The following EIF4G2 variants were observed in gnomAD, a reference collection of about 807,000 sequenced individuals.
The protein encoded by EIF4G2 is eukaryotic translation initiation factor 4 gamma 2.
Under a neutral mutation model 117.7 loss-of-function variants are expected in EIF4G2, and 8 were observed. That is an observed-to-expected ratio of 0.07 (90% CI 0.04 to 0.12). EIF4G2 has a LOEUF of 0.12. EIF4G2 is among the 10% of genes least tolerant of loss of function. The probability of loss-of-function intolerance (pLI) is 1.00; values close to 1 mark genes in which losing one functional copy is unlikely to be tolerated. For synonymous variants in EIF4G2, 413 were observed against 367.8 expected, an observed-to-expected ratio of 1.12 and a Z score of -1.41; for missense variants, 812 against 1,086.2, an observed-to-expected ratio of 0.75 and a Z score of 3.55.
chr11:10,801,490 C>T (rs772584774), intron 14 of EIF4G2, 171 bp downstream of exon 14: 27 of 779,520 alleles, frequency 3.5e-5, no homozygotes, highest in African/African-American at 5.1e-5. Flanking sequence ...TCATAATCTT[C>T]GCTCACAGGA....
rs752448526 is a variant in EIF4G2 at position 10,803,443 on chromosome 11, A to T, written c.813+37T>A. 1.9e-6 allele frequency: 3 copies of T among 1,593,880 alleles called. No individual in the cohort carries two copies. The highest frequency in any genetic ancestry group is 2.6e-6 in the Non-Finnish European group (3 of 1,162,662). On this transcript the variant is annotated intron_variant, in intron 9 of 21. Transcript: ENST00000339995. The surrounding 1 kb of genome is among the most constrained non-coding windows in gnomAD (Gnocchi z 4.0). The stretch of plus-strand genomic sequence containing the variant: ...AAAATCAATAGCTTGATTTAAAGAC[A>T]AACTACTTGTACTACTTTCATCAGC...
At chr11:10,807,923 C>T in intron 1 of EIF4G2, 2 of 1,015,404 alleles carry the variant, frequency 2.0e-6, no homozygotes, top group Non-Finnish European at 2.4e-6. Flanking sequence ...CAGCAGGAAC[C>T]TCCGCCCCGT....
intron 21 of EIF4G2, 70 bp downstream of exon 21, chr11:10,798,922 A>C: frequency 2.6e-6 from 4 of 1,539,688 alleles, no homozygotes; most frequent in Non-Finnish European, 3.5e-6. Flanking sequence ...CAGTTGAAAA[A>C]GGCTCTTAAC....
rs543325509 is a variant in EIF4G2 at position 10,807,416 on chromosome 11, C to T, written c.-86-35G>A. 7 of 1,569,098 alleles carry T rather than the reference C, an allele frequency of 4.5e-6. No homozygotes were observed. In the South Asian group the frequency reaches 7.1e-5, roughly 16 times the overall value. On this transcript the variant is annotated intron_variant, in intron 1 of 21. Coordinates refer to ENST00000339995, the MANE Select transcript of EIF4G2 (RefSeq NM_001418.4). ...GAAAGAGCACCAAAATTAGACACTGCTAACATACAGATCTATAAGCCTTCA... is the reference window on the plus strand; with the variant it reads ...GAAAGAGCACCAAAATTAGACACTGTTAACATACAGATCTATAAGCCTTCA...
At chr11:10,802,926 A>G (rs1847469371) in intron 11 of EIF4G2, 104 bp downstream of exon 11, 7 of 941,014 alleles carry the variant, frequency 7.4e-6, no homozygotes, top group Non-Finnish European at 1.1e-5. Context: ...TCCACCACTA[A>G]GATGAGACAG....
In EIF4G2 at chr11:10,802,410, G is replaced by A; in HGVS notation, c.1022C>T (p.Pro341Leu). ...GTCACTTCTCATCCCTTGAGCCATA[G>A]GAGCAGGAATAAACACCCCTAGATC... Residue 341 changes from proline (P) to leucine (L), a missense_variant, in exon 12 of 22, where the codon CCT becomes CTT. Pro to Leu is a moderately conservative substitution (Grantham distance 98). Coordinates refer to ENST00000339995, the MANE Select transcript of EIF4G2 (RefSeq NM_001418.4). 1 of 1,609,918 alleles carries A rather than the reference G, an allele frequency of 6.2e-7. No homozygotes were observed. The highest frequency in any genetic ancestry group is 1.1e-5 in the South Asian group (1 of 90,288).
chr11:10,800,563 A>G lies in EIF4G2; in HGVS notation c.1729T>C (p.Phe577Leu). The G allele has an allele frequency of 6.2e-7, 1 of 1,614,148 alleles. No homozygotes were observed. Among genetic ancestry groups the G allele is most frequent in the Non-Finnish European group, 8.5e-7 (1 of 1,180,022 alleles). ...ACTTTGCTTAACATCTCAGGAAGAA[A>G]GTGTTTAGGAGCCCTCATTTCTCTT... is the stretch of plus-strand genomic sequence containing the variant. Residue 577 changes from phenylalanine (F) to leucine (L), a missense_variant, in exon 17 of 22, where the codon TTT becomes CTT. Transcript: ENST00000339995.
chr11:10,804,538 C>T, intron 5 of EIF4G2, 120 bp from the exon 6 acceptor site: 1 of 1,266,600 alleles, frequency 7.9e-7, no homozygotes, highest in Non-Finnish European at 1.1e-6. Context: ...TCCAGTTATA[C>T]AGATTTCATC....
intron 1 of EIF4G2, chr11:10,808,206 G>C (rs951599633): frequency 8.8e-7 from 1 of 1,132,930 alleles, no homozygotes; most frequent in East Asian, 1.0e-4. Flanking sequence ...CTGACAAAAG[G>C]GGCAGAAATC....
chr11:10,808,649 AG>A (rs1378180218), intron 1 of EIF4G2, 55 bp downstream of exon 1: 1 of 359,682 alleles, frequency 2.8e-6, no homozygotes, highest in Non-Finnish European at 4.3e-6. Flanking sequence ...AGAAGCGACC[AG>A]GGACGGCGGC....
At chr11:10,799,144 A>G (rs1320463400) in intron 20 of EIF4G2, 31 bp from the exon 21 acceptor site, 7 of 1,585,332 alleles carry the variant, frequency 4.4e-6, no homozygotes, top group Admixed American at 3.9e-5. Flanking sequence ...GAAAAAAGTA[A>G]TAAGCCCATT....
chr11:10,800,916 A>G, intron 15 of EIF4G2, 46 bp downstream of exon 15: 2 of 1,611,868 alleles, frequency 1.2e-6, no homozygotes, highest in South Asian at 1.1e-5. Context: ...TTTAGAAAAA[A>G]GTCTTCAGAT....
At chr11:10,805,217 T>G (rs1847529669) in intron 4 of EIF4G2, among the ~76,000 whole-genome samples, 1 of 152,002 alleles carries the variant, frequency 6.6e-6, no homozygotes, top group Non-Finnish European at 1.5e-5. Context: ...GACTGGGGGG[T>G]CCCCAGCTGT....
At position 10,803,370 on chromosome 11, in the gene EIF4G2, T is replaced by G; in HGVS notation, c.814-76A>C. 3 of 1,576,058 alleles carry G rather than the reference T, an allele frequency of 1.9e-6. No homozygotes were observed. The highest frequency in any genetic ancestry group is 2.6e-6 in the Non-Finnish European group (3 of 1,151,372). On this transcript the variant is annotated intron_variant, in intron 9 of 21. Coordinates refer to ENST00000339995, the MANE Select transcript of EIF4G2 (RefSeq NM_001418.4). The surrounding 1 kb of genome is among the most constrained non-coding windows in gnomAD (Gnocchi z 4.0). The stretch of plus-strand genomic sequence containing the variant: ...ATTTACAGCTTTAAGACTTCTAAAA[T>G]TATAACCCAGTTAATGGCTAAATAT...
chr11:10,800,872 A>T lies in EIF4G2; in HGVS notation c.1540-37T>A, dbSNP rs753357657. The T allele has an allele frequency of 3.1e-6, 5 of 1,611,508 alleles. No homozygotes were observed. The East Asian group carries it at 8.9e-5, about 29-fold the overall frequency. On this transcript the variant is annotated intron_variant, in intron 15 of 21. Transcript: ENST00000339995. Reference sequence around the variant, plus strand: ...GCAATGACAGACTTTTTTTAAAAAGAGGACTATGAAATTAGGGGGAAGAAC... The same window carrying T: ...GCAATGACAGACTTTTTTTAAAAAGTGGACTATGAAATTAGGGGGAAGAAC...
intron 1 of EIF4G2, 70 bp downstream of exon 1, chr11:10,808,635 G>A (rs1289734960): frequency 4.7e-6 from 2 of 422,290 alleles, no homozygotes; most frequent in Non-Finnish European, 7.0e-6. Flanking sequence ...TGTACCACTC[G>A]AGAAGAAGCG....
intron 1 of EIF4G2, 128 bp downstream of exon 1, chr11:10,808,577 A>T: frequency 1.0e-6 from 1 of 968,576 alleles, no homozygotes; most frequent in Non-Finnish European, 1.3e-6. Context: ...CGCAGAGGAA[A>T]TGCTAAAAAA....
At position 10,808,702 on chromosome 11, in the gene EIF4G2, C is replaced by T. The variant is rs900262017; in HGVS notation, c.-87+3G>A. ...ACTCGGCGGCGGCAGCGGCTCAACT[C>T]ACCTTCACCGAGAACTCAGCAGCTG... On this transcript the variant is annotated splice_donor_region_variant and intron_variant, in intron 1 of 21. Transcript: ENST00000339995. 3.5e-5 allele frequency: 7 copies of T among 199,510 alleles called. No homozygotes were observed. Among genetic ancestry groups the T allele is most frequent in the Non-Finnish European group, 6.3e-5 (6 of 95,962 alleles). 12.4% of individuals were successfully genotyped at this position (199,510 alleles called of 1,614,324 possible).
At position 10,805,994 on chromosome 11, in the gene EIF4G2, C is replaced by T. The variant is rs1847557382; in HGVS notation, c.161G>A (p.Arg54Gln). The change falls in exon 4 of 22, where the codon CGA becomes CAA. Residue 54 changes from arginine to glutamine, a missense_variant. Around this residue, in one of 4 missense-constraint regions of EIF4G2, gnomAD observed 79 missense variants for 91.5 expected, o/e 0.86. Transcript: ENST00000339995. Reference sequence around the variant, plus strand: ...GGAGTTGTCATCTCGTCTAGTGCTTCGTGCAGGAATCCATTTCTGAGCGTT... The same window carrying T: ...GGAGTTGTCATCTCGTCTAGTGCTTTGTGCAGGAATCCATTTCTGAGCGTT... The T allele has an allele frequency of 1.9e-6, 3 of 1,614,196 alleles. No individual in the cohort carries two copies. Among genetic ancestry groups the T allele is most frequent in the Non-Finnish European group, 2.5e-6 (3 of 1,180,018 alleles).
Sources: allele counts gnomAD v4.1 joint callset (sites outside exome capture counted in the v4.1 genomes callset), GRCh38; gene constraint gnomAD v4.1.1; regional missense constraint gnomAD v4.1.1; non-coding constraint Gnocchi (gnomAD v3.1); transcripts MANE v1.5; gene names NCBI Gene and HGNC (gene_info 2026-07-23, HGNC 2026-07-21).